SEMA6D: variants seen among roughly 807,000 people sequenced by gnomAD.
SEMA6D encodes semaphorin 6D, also known as semaphorin-6D.
In SEMA6D, 35 loss-of-function variants were observed where a neutral mutation model predicts 106.6. That is an observed-to-expected ratio of 0.33 (90% CI 0.25 to 0.44). The LOEUF (loss-of-function observed/expected upper bound fraction) is 0.44, where lower values mean the gene tolerates loss of function less well. Ranked by LOEUF, SEMA6D falls within the 20% of genes least tolerant of loss-of-function variation. The pLI is 1.00. For synonymous variants in SEMA6D, 499 were observed against 487.7 expected (o/e 1.02, Z -0.31); for missense variants, 1,185 against 1,345.9 (o/e 0.88, Z 1.87).
At chr15:47,259,966 T>C (rs1190686703) in intron 1 of SEMA6D, among the ~76,000 whole-genome samples, 1 of 152,022 alleles carries the variant, frequency 6.6e-6, no homozygotes, top group Non-Finnish European at 1.5e-5. Flanking sequence ...TTCTCTCCTG[T>C]CATCTCTATT....
intron 3 of SEMA6D, among the ~76,000 whole-genome samples, chr15:47,504,477 T>A (rs901065740): frequency 2.0e-5 from 3 of 150,036 alleles, no homozygotes; most frequent in Non-Finnish European, 3.0e-5. Flanking sequence ...ATTGCTCTAT[T>A]ATGGTTGATG....
At chr15:47,378,453 G>A (rs1456849751) in intron 1 of SEMA6D, among the ~76,000 whole-genome samples, 1 of 152,116 alleles carries the variant, frequency 6.6e-6, no homozygotes, top group South Asian at 2.1e-4. Flanking sequence ...CTGAGATTGC[G>A]CCACTGCACT....
intron 3 of SEMA6D, among the ~76,000 whole-genome samples, chr15:47,532,839 T>C (rs2045019666): frequency 6.6e-6 from 1 of 152,220 alleles, no homozygotes; most frequent in Non-Finnish European, 1.5e-5. Context: ...AAATTCACTA[T>C]ATATAAATTT....
intron 3 of SEMA6D, among the ~76,000 whole-genome samples, chr15:47,471,711 G>GCC (rs1160120705): frequency 6.6e-6 from 1 of 152,168 alleles, no homozygotes; most frequent in Non-Finnish European, 1.5e-5. Context: ...GCTGGGCCTA[G>GCC]TGGGAGGAGC....
chr15:47,418,149 G>A lies in SEMA6D; in HGVS notation c.-159+5677G>A, dbSNP rs190887278. On this transcript the variant is annotated intron_variant, in intron 2 of 19. Transcript: ENST00000558014. ...GCTTTTCTATGTAGATACCTTCTGA[G>A]AAAAAGACTTGAAGGAAGTGAGACA... 1.2e-4 allele frequency among the ~76,000 whole-genome samples: 18 copies of A among 152,180 alleles called. No homozygotes were observed. The East Asian group carries it at 3.3e-3, about 28-fold the overall frequency.
intron 1 of SEMA6D, among the ~76,000 whole-genome samples, chr15:47,304,073 G>T (rs985340790): frequency 2.6e-5 from 4 of 152,140 alleles, no homozygotes; most frequent in Admixed American, 2.6e-4. Flanking sequence ...GTTTTAGCAT[G>T]AGTTTTATAC....
At chr15:47,470,942 A>G (rs2042817922) in intron 3 of SEMA6D, among the ~76,000 whole-genome samples, 1 of 152,172 alleles carries the variant, frequency 6.6e-6, no homozygotes, top group Admixed American at 6.5e-5. Context: ...TATTCAATGT[A>G]AAGTGTGTTC....
chr15:47,736,303 A>G (rs982004954), intron 1 of SEMA6D, among the ~76,000 whole-genome samples: 1 of 152,168 alleles, frequency 6.6e-6, no homozygotes, highest in Non-Finnish European at 1.5e-5. Flanking sequence ...AGCCACAGAG[A>G]TAAGAGAAGT....
intron 1 of SEMA6D, 36 bp downstream of exon 1, chr15:47,717,728 T>C (rs1345177407): frequency 6.6e-6 from 1 of 151,690 alleles, no homozygotes; most frequent in Admixed American, 6.6e-5. Flanking sequence ...AATGCTCTTG[T>C]GGCGCCCGGT....
At chr15:47,625,335 T>C (rs1441164656) in intron 4 of SEMA6D, among the ~76,000 whole-genome samples, 41 of 152,182 alleles carry the variant, frequency 2.7e-4, no homozygotes, top group Admixed American at 2.7e-3. Context: ...TATTACTGAA[T>C]GTTGAAAAAT....
In SEMA6D at chr15:47,761,002, A is replaced by T. The variant is rs1184120012; in HGVS notation, c.246A>T (p.Leu82Phe). The T allele has an allele frequency of 1.2e-6, 2 of 1,613,478 alleles. No homozygotes were observed. The highest frequency in any genetic ancestry group is 8.5e-7 in the Non-Finnish European group (1 of 1,179,606). ...AGRDQVYTVN[L>F]NEMPKTEVIP... ...GGGATCAAGTTTATACAGTAAACTT[A>T]AATGAAATGCCCAAAACAGAAGTAA... The change falls in exon 4 of 19, where the codon TTA (leucine) becomes TTT (phenylalanine). Residue 82 changes from leucine (L) to phenylalanine (F), a missense_variant. By Grantham distance (22) the Leu-to-Phe change is conservative. Transcript: ENST00000536845.
intron 1 of SEMA6D, among the ~76,000 whole-genome samples, chr15:47,740,242 C>T (rs756705024): frequency 1.3e-5 from 2 of 152,114 alleles, no homozygotes; most frequent in African/African-American, 4.8e-5. Flanking sequence ...AAAACATGGC[C>T]GGGCGTGGTG....
chr15:47,278,578 A>G (rs1275147077), intron 1 of SEMA6D, among the ~76,000 whole-genome samples: 1 of 152,018 alleles, frequency 6.6e-6, no homozygotes, highest in Non-Finnish European at 1.5e-5. Flanking sequence ...GTTCAATCTG[A>G]TGGTAGTTTC....
intron 3 of SEMA6D, among the ~76,000 whole-genome samples, chr15:47,475,124 C>T (rs1383500549): frequency 2.0e-5 from 3 of 152,092 alleles, no homozygotes; most frequent in African/African-American, 7.2e-5. Flanking sequence ...CCTGACCTGA[C>T]AAGTGCCAAG....
intron 1 of SEMA6D, 87 bp from the exon 2 acceptor site, chr15:47,759,658 G>C (rs552509737): frequency 1.5e-6 from 1 of 650,276 alleles, no homozygotes. Flanking sequence ...TTTGGAGGGA[G>C]CTGATGGTGA....
At chr15:47,538,123 A>C (rs546227213) in intron 3 of SEMA6D, among the ~76,000 whole-genome samples, 1 of 152,290 alleles carries the variant, frequency 6.6e-6, no homozygotes, top group Admixed American at 6.5e-5. Context: ...GTGATCAGAG[A>C]AGAAAAGGAC....
intron 4 of SEMA6D, among the ~76,000 whole-genome samples, chr15:47,665,121 C>T (rs2078000182): frequency 6.6e-6 from 1 of 151,972 alleles, no homozygotes; most frequent in South Asian, 2.1e-4. Context: ...TAGCATGTAC[C>T]TGTTGAGTTG....
chr15:47,351,505 A>G (rs937460121), intron 1 of SEMA6D, among the ~76,000 whole-genome samples: 2 of 152,120 alleles, frequency 1.3e-5, no homozygotes, highest in African/African-American at 4.8e-5. Context: ...GGTAGGTGCT[A>G]TTGTTATTCC....
intron 1 of SEMA6D, among the ~76,000 whole-genome samples, chr15:47,339,995 A>T (rs2037744591): frequency 6.6e-6 from 1 of 152,160 alleles, no homozygotes; most frequent in Non-Finnish European, 1.5e-5. Flanking sequence ...ATTTTTAGAG[A>T]GTACTGTTTA....
Sources: allele counts gnomAD v4.1 joint callset (sites outside exome capture counted in the v4.1 genomes callset), GRCh38; gene constraint gnomAD v4.1.1; transcripts MANE v1.5; gene names NCBI Gene and HGNC (gene_info 2026-07-23, HGNC 2026-07-21).